The following EML1 variants were observed in gnomAD, a reference collection of about 807,000 sequenced individuals.
EML1 encodes the protein echinoderm microtubule-associated protein-like 1.
A neutral mutation model predicts 110.4 loss-of-function variants in EML1; 27 were observed. That is an observed-to-expected ratio of 0.24 (90% CI 0.18 to 0.34). EML1 has a LOEUF of 0.34. Ranked by LOEUF, EML1 falls within the 10% of genes least tolerant of loss-of-function variation. The pLI is 1.00. For synonymous variants in EML1, 344 were observed against 385.8 expected, an observed-to-expected ratio of 0.89 and a Z score of 1.27; for missense variants, 741 against 1,030.9, an observed-to-expected ratio of 0.72 and a Z score of 3.85.
rs201021106 is a variant in EML1 at position 99,939,260 on chromosome 14, A to C, written c.2255A>C (p.Lys752Thr). 181 of 1,614,018 alleles carry C rather than the reference A, an allele frequency of 1.1e-4. No homozygotes were observed. Among genetic ancestry groups the C allele is most frequent in the Non-Finnish European group, 5.4e-5 (64 of 1,180,024 alleles). The change falls in exon 21 of 22, where the codon AAA becomes ACA. Residue 752 changes from lysine (K) to threonine (T), a missense_variant. This residue lies in a region of EML1 where 114 missense variants were observed against 122.5 expected (regional missense o/e 0.93). Coordinates refer to ENST00000262233, the MANE Select transcript of EML1 (RefSeq NM_004434.3). The surrounding 1 kb of genome is among the most constrained non-coding windows in gnomAD (Gnocchi z 4.2). ...INAVCRAHEKKLLSTGDDFGK... is the reference protein window; with the variant it reads ...INAVCRAHEKTLLSTGDDFGK... Reference sequence around the variant, plus strand: ...GCCGTCTGTCGGGCCCATGAGAAGAAACTCCTGTCAACAGGCGACGACTTT... The same window carrying C: ...GCCGTCTGTCGGGCCCATGAGAAGACACTCCTGTCAACAGGCGACGACTTT...
chr14:99,910,810 T>C (rs1411221570), intron 12 of EML1, among the ~76,000 whole-genome samples: 1 of 152,164 alleles, frequency 6.6e-6, no homozygotes, highest in Non-Finnish European at 1.5e-5. Flanking sequence ...CTAAGGGAGA[T>C]GATGCATCAC....
intron 17 of EML1, among the ~76,000 whole-genome samples, 182 bp from the exon 18 acceptor site, chr14:99,935,847 G>A (rs2060461362): frequency 1.3e-5 from 2 of 151,012 alleles, no homozygotes; most frequent in Admixed American, 1.3e-4. Flanking sequence ...CCAGATGTGT[G>A]TTTTTCAAAA....
At chr14:99,877,431 G>A (rs1454781906) in intron 3 of EML1, among the ~76,000 whole-genome samples, 5 of 152,062 alleles carry the variant, frequency 3.3e-5, no homozygotes, top group African/African-American at 4.8e-5. Context: ...TCATGCCTAC[G>A]AATCCCCTGT....
At chr14:99,884,375 G>T (rs1008994099) in intron 4 of EML1, among the ~76,000 whole-genome samples, 1 of 152,234 alleles carries the variant, frequency 6.6e-6, no homozygotes, top group Admixed American at 6.5e-5. Flanking sequence ...TCACTGCTGT[G>T]CTGGACTTAT....
At chr14:99,744,013 T>C (rs1014357013) in intron 1 of EML1, among the ~76,000 whole-genome samples, 2 of 152,218 alleles carry the variant, frequency 1.3e-5, no homozygotes, top group East Asian at 1.9e-4. Context: ...AAATAAAATA[T>C]AGAAACCAGT....
chr14:99,748,245 C>A (rs1417151144), intron 1 of EML1, among the ~76,000 whole-genome samples: 2 of 152,154 alleles, frequency 1.3e-5, no homozygotes, highest in Non-Finnish European at 2.9e-5. Context: ...CAGCCCCAGG[C>A]CTGCCCACTC....
upstream of EML1, among the ~76,000 whole-genome samples, chr14:99,788,839 T>C (rs953527783): frequency 6.6e-6 from 1 of 152,192 alleles, no homozygotes; most frequent in Non-Finnish European, 1.5e-5. Flanking sequence ...CCCCAGCCCT[T>C]GGCAACCACC....
intron 1 of EML1, among the ~76,000 whole-genome samples, chr14:99,793,760 CGCCGCCACCCCGGCTCCCG>C (rs2057715594): frequency 6.8e-6 from 1 of 147,148 alleles, no homozygotes; most frequent in Non-Finnish European, 1.5e-5. Context: ...CCGGGCTCCC[CGCCGCCACCCCGGCTCCCG>C]GCACTGGCGC....
upstream of EML1, among the ~76,000 whole-genome samples, chr14:99,770,779 A>AT (rs34744469): frequency 0.13 from 12,281 of 91,412 alleles, 2,139 homozygotes; most frequent in Middle Eastern, 0.18. Flanking sequence ...GTTTCCGCTG[A>AT]TTTTTTTTTT....
At chr14:99,911,932 C>CTG (rs10650567) in intron 13 of EML1, among the ~76,000 whole-genome samples, 103,470 of 150,202 alleles carry the variant, frequency 0.69, 36,596 homozygotes, top group African/African-American at 0.88. Context: ...GGGTCTGGCT[C>CTG]TCACCCAGGC....
In EML1 at chr14:99,829,622, C is replaced by T. The variant is rs181431326; in HGVS notation, c.68-21231C>T. Among the ~76,000 whole-genome samples the T allele has an allele frequency of 4.2e-3, 632 of 152,282 alleles. 3 individuals are homozygous for T. The highest frequency in any genetic ancestry group is 7.3e-3 in the Non-Finnish European group (497 of 68,030). ...AACTCAGTACTCAATGAAGCAGCAC[C>T]TCCCCATCCCTCCCGCCTCCCAGCC... On this transcript the variant is annotated intron_variant, in intron 1 of 21. Transcript: ENST00000262233.
intron 1 of EML1, among the ~76,000 whole-genome samples, chr14:99,845,432 GA>G (rs2058692353): frequency 6.6e-6 from 1 of 152,090 alleles, no homozygotes; most frequent in African/African-American, 2.4e-5. Context: ...GAGAGAAACA[GA>G]AAAAAGAGGA....
At position 99,737,732 on chromosome 14, in the gene EML1, G is replaced by A. The variant is rs1238235414; in HGVS notation, c.-101G>A. The A allele has an allele frequency of 4.1e-6, 5 of 1,207,470 alleles. No individual in the cohort carries two copies. In the Admixed American group the frequency reaches 1.2e-4, roughly 28 times the overall value. 74.8% of individuals were successfully genotyped at this position (1,207,470 alleles called of 1,614,324 possible). ...CCGGGGCGGGACGCTGCCTGGGGCT[G>A]GACGCGGAGGAGCCCCAAGCCCTGC... On this transcript the variant is annotated 5_prime_UTR_variant, in exon 1 of 11. Transcript: ENST00000554479.
intron 1 of EML1, among the ~76,000 whole-genome samples, chr14:99,762,748 A>G (rs1054950157): frequency 2.0e-5 from 3 of 152,208 alleles, no homozygotes; most frequent in Admixed American, 6.5e-5. Context: ...GCAGTAAGCC[A>G]TATTTCCAGT....
chr14:99,865,524 G>A lies in EML1; in HGVS notation c.261G>A (p.Leu87=). ...CTGCTTGTCTTACAGCAAGACCACTGATGCAGACCCTGCCTTTAAGAACCA... is the reference window on the plus strand; with the variant it reads ...CTGCTTGTCTTACAGCAAGACCACTAATGCAGACCCTGCCTTTAAGAACCA... ...NRKGPTKARP[L]MQTLPLRTTV... is the part of the protein sequence containing the mutation. Residue 87 remains leucine, a synonymous_variant, in exon 3 of 22, where the codon CTG becomes CTA. Transcript: ENST00000262233. 1 of 1,614,120 alleles carries A rather than the reference G, an allele frequency of 6.2e-7. No individual in the cohort carries two copies. Among genetic ancestry groups the A allele is most frequent in the Middle Eastern group, 1.6e-4 (1 of 6,062 alleles).
chr14:99,858,724 T>G (rs2058948936), intron 2 of EML1, among the ~76,000 whole-genome samples: 1 of 152,170 alleles, frequency 6.6e-6, no homozygotes, highest in Non-Finnish European at 1.5e-5. Context: ...ATGATAGGAA[T>G]CTCCTCCAGC....
chr14:99,742,574 C>T (rs543005097), intron 1 of EML1, among the ~76,000 whole-genome samples: 3 of 152,162 alleles, frequency 2.0e-5, no homozygotes, highest in South Asian at 2.1e-4. Flanking sequence ...GGTGCTGGGA[C>T]GGTGCAGTGG....
intron 17 of EML1, 93 bp downstream of exon 17, chr14:99,920,970 T>C (rs2060120780): frequency 8.5e-7 from 1 of 1,182,606 alleles, no homozygotes; most frequent in East Asian, 2.4e-5. Context: ...GTTTGTTACA[T>C]AGGTAAACGT....
rs1286984418 is a variant in EML1, at chr14:99,940,881, T to C, written c.*769T>C. 1 of 152,242 alleles carries C rather than the reference T, an allele frequency of 6.6e-6. No homozygotes were observed. The highest frequency in any genetic ancestry group is 2.4e-5 in the African/African-American group (1 of 41,462). 9.4% of individuals were successfully genotyped at this position (152,242 alleles called of 1,614,324 possible). A position where few individuals can be genotyped will look rare whatever the true frequency, so the allele number is the denominator to read the frequency against. On this transcript the variant is annotated 3_prime_UTR_variant, in exon 22 of 22. Transcript: ENST00000262233. ...TTCACGGTGAGACATTTTGCCACCT[T>C]CTTGTGTATATTACTTGGCATGAGA...
Sources: allele counts gnomAD v4.1 joint callset (sites outside exome capture counted in the v4.1 genomes callset), GRCh38; gene constraint gnomAD v4.1.1; regional missense constraint gnomAD v4.1.1; non-coding constraint Gnocchi (gnomAD v3.1); transcripts MANE v1.5; gene names NCBI Gene and HGNC (gene_info 2026-07-23, HGNC 2026-07-21).